The following EPB41L4A variants were observed in gnomAD, a reference collection of about 807,000 sequenced individuals.
EPB41L4A encodes the protein band 4.1-like protein 4A.
In EPB41L4A, 100 loss-of-function variants were observed where a neutral mutation model predicts 108.6. The ratio of observed to expected loss-of-function variants is 0.92; its 90% CI spans 0.78 to 1.09. The LOEUF is 1.09. Ranked by LOEUF, EPB41L4A falls within the 50% of genes least tolerant of loss-of-function variation. The probability of loss-of-function intolerance (pLI) is 0.00; values close to 1 mark genes in which losing one functional copy is unlikely to be tolerated. For missense variants in EPB41L4A, 1,030 were observed against 842.7 expected (o/e 1.22, Z -2.75); for synonymous variants, 319 against 289.0 (o/e 1.10, Z -1.05).
chr5:112,295,016 A>T (rs1753903392), intron 2 of EPB41L4A, among the ~76,000 whole-genome samples: 1 of 152,218 alleles, frequency 6.6e-6, no homozygotes, highest in Non-Finnish European at 1.5e-5. Flanking sequence ...CTTTTATAGA[A>T]ACCCAAGCTC....
intron 3 of EPB41L4A, among the ~76,000 whole-genome samples, chr5:112,276,769 G>A (rs759915431): frequency 3.3e-5 from 5 of 152,132 alleles, no homozygotes; most frequent in Non-Finnish European, 5.9e-5. Context: ...TATGAACTAT[G>A]TTACTATTTA....
intron 12 of EPB41L4A, among the ~76,000 whole-genome samples, chr5:112,155,426 T>C (rs1759614342): frequency 6.6e-6 from 1 of 151,412 alleles, no homozygotes; most frequent in Non-Finnish European, 1.5e-5. Flanking sequence ...CAATTAGTAA[T>C]ATGACAGCAT....
In EPB41L4A at chr5:112,168,735, T is replaced by G; in HGVS notation, c.1932+4A>C. ...CACCTTCTTCAAACCTTACTATTACTAACCTGATGAACTGTAGCATCCCCA... is the reference window on the plus strand; with the variant it reads ...CACCTTCTTCAAACCTTACTATTACGAACCTGATGAACTGTAGCATCCCCA... On this transcript the variant is annotated splice_donor_region_variant and intron_variant, in intron 22 of 22. Transcript: ENST00000261486. The G allele has an allele frequency of 6.2e-7, 1 of 1,610,528 alleles. No homozygotes were observed. Among genetic ancestry groups the G allele is most frequent in the Non-Finnish European group, 8.5e-7 (1 of 1,176,802 alleles).
intron 1 of EPB41L4A, among the ~76,000 whole-genome samples, chr5:112,388,356 A>G (rs7710507): frequency 0.14 from 21,451 of 152,184 alleles, 4,243 homozygotes; most frequent in African/African-American, 0.44. Context: ...ACAGATCGGC[A>G]GACCTACCCA....
At chr5:112,405,744 C>A (rs568806220) in intron 1 of EPB41L4A, among the ~76,000 whole-genome samples, 2 of 152,306 alleles carry the variant, frequency 1.3e-5, no homozygotes, top group South Asian at 4.1e-4. Flanking sequence ...ACATAAGAAA[C>A]AATTTCTTAC....
chr5:112,299,699 C>G (rs1325161936), intron 2 of EPB41L4A, among the ~76,000 whole-genome samples: 8 of 152,132 alleles, frequency 5.3e-5, no homozygotes, highest in Non-Finnish European at 8.8e-5. Context: ...TAGCTTAAAT[C>G]CATTGTTTCT....
intron 9 of EPB41L4A, among the ~76,000 whole-genome samples, chr5:112,255,603 T>C (rs1250187458): frequency 1.3e-5 from 2 of 152,322 alleles, no homozygotes; most frequent in Non-Finnish European, 2.9e-5. Context: ...TCAGCATAAT[T>C]ACTGTTCCTT....
chr5:112,418,256 A>C (rs1423030732), intron 1 of EPB41L4A, among the ~76,000 whole-genome samples: 1 of 152,200 alleles, frequency 6.6e-6, no homozygotes. Context: ...CTTCTCATCC[A>C]ATGTAAGGAA....
At chr5:112,201,055 G>A (rs6884589) in intron 15 of EPB41L4A, among the ~76,000 whole-genome samples, 119,138 of 152,150 alleles carry the variant, frequency 0.78, 47,302 homozygotes, top group East Asian at 1. Context: ...CAATGTAGAG[G>A]TTTGTGCTGA....
intron 18 of EPB41L4A, among the ~76,000 whole-genome samples, chr5:112,181,277 C>T (rs1002338097): frequency 5.3e-5 from 8 of 151,122 alleles, no homozygotes; most frequent in African/African-American, 1.9e-4. Context: ...CGGTGAAACC[C>T]CGTCTCTACT....
intron 2 of EPB41L4A, among the ~76,000 whole-genome samples, chr5:112,288,837 T>C (rs1275666487): frequency 6.6e-6 from 1 of 152,058 alleles, no homozygotes; most frequent in African/African-American, 2.4e-5. Context: ...ATATCTTTTT[T>C]TTTTTTTTAT....
In EPB41L4A at chr5:112,164,685, A is replaced by C. The variant is rs1760117490; in HGVS notation, c.*305T>G. The stretch of plus-strand genomic sequence containing the variant: ...TGTCTCTACTAAAAATACAAAAAGA[A>C]TTAGCCGGGTGTTGTGGTGCACGCC... On this transcript the variant is annotated 3_prime_UTR_variant, in exon 23 of 23. Transcript: ENST00000261486. The C allele has an allele frequency of 5.7e-6, 1 of 176,698 alleles. No individual in the cohort carries two copies. The allele number at this position is 176,698 out of a possible 1,614,324, so 10.9% of individuals were successfully genotyped here. A position where few individuals can be genotyped will look rare whatever the true frequency, so the allele number is the denominator to read the frequency against.
chr5:112,299,132 G>GT (rs1754192405), intron 2 of EPB41L4A, among the ~76,000 whole-genome samples: 1 of 151,868 alleles, frequency 6.6e-6, no homozygotes, highest in Non-Finnish European at 1.5e-5. Context: ...ATTTCTTTTT[G>GT]TTTCAATTTC....
chr5:112,223,229 C>T (rs1000618623), intron 12 of EPB41L4A, among the ~76,000 whole-genome samples: 5 of 152,060 alleles, frequency 3.3e-5, no homozygotes, highest in African/African-American at 9.7e-5. Context: ...ATTGAGCCAC[C>T]GTGCCCGACC....
chr5:112,399,719 C>A (rs931089395), intron 1 of EPB41L4A, among the ~76,000 whole-genome samples: 3 of 152,192 alleles, frequency 2.0e-5, no homozygotes, highest in African/African-American at 4.8e-5. Context: ...TCACACATCA[C>A]GTCTTAAATC....
rs148528106 is a variant in EPB41L4A, at chr5:112,317,383, G to A, written c.100-9893C>T. Among the ~76,000 whole-genome samples the A allele has an allele frequency of 7.3e-3, 1,117 of 152,210 alleles. 5 individuals carry two copies. Among genetic ancestry groups the A allele is most frequent in the Non-Finnish European group, 0.011 (767 of 68,004 alleles). Reference sequence around the variant, plus strand: ...TTTTTTATTCCTGCTTTATAAATAAGCTCAAAAAGGTTGGGAAAGAATAGC... The same window carrying A: ...TTTTTTATTCCTGCTTTATAAATAAACTCAAAAAGGTTGGGAAAGAATAGC... On this transcript the variant is annotated intron_variant, in intron 1 of 22. Transcript: ENST00000261486.
At chr5:112,290,022 C>T (rs142012822) in intron 2 of EPB41L4A, among the ~76,000 whole-genome samples, 107 of 152,280 alleles carry the variant, frequency 7.0e-4, no homozygotes, top group African/African-American at 2.3e-3. Flanking sequence ...TGTCTTCATC[C>T]CAGGTACTGG....
intron 17 of EPB41L4A, among the ~76,000 whole-genome samples, chr5:112,191,645 A>C (rs1302014306): frequency 6.6e-6 from 1 of 151,928 alleles, no homozygotes; most frequent in East Asian, 1.9e-4. Flanking sequence ...GAGTGGCCTC[A>C]TGCCTAACAG....
chr5:112,324,085 T>C (rs1481604684), intron 1 of EPB41L4A, among the ~76,000 whole-genome samples: 2 of 152,104 alleles, frequency 1.3e-5, no homozygotes, highest in Admixed American at 6.5e-5. Context: ...TCTAAAGATA[T>C]GAAAGATCAA....
Sources: allele counts gnomAD v4.1 joint callset (sites outside exome capture counted in the v4.1 genomes callset), GRCh38; gene constraint gnomAD v4.1.1; transcripts MANE v1.5; gene names NCBI Gene and HGNC (gene_info 2026-07-23, HGNC 2026-07-21).